The following PBX1 variants were observed in gnomAD, a reference collection of about 807,000 sequenced individuals.
The protein encoded by PBX1 is PBX homeobox 1.
In PBX1, 6 loss-of-function variants were observed where a neutral mutation model predicts 53.4. The ratio of observed to expected loss-of-function variants is 0.11; its 90% CI spans 0.06 to 0.22. The LOEUF is 0.22. PBX1 is among the 10% of genes least tolerant of loss of function. The pLI, the probability that PBX1 is intolerant of heterozygous loss-of-function variation, is 1.00. For synonymous variants in PBX1, 204 were observed against 212.3 expected, an observed-to-expected ratio of 0.96 and a Z score of 0.34; for missense variants, 251 against 551.4, an observed-to-expected ratio of 0.46 and a Z score of 5.46.
At chr1:164,724,594 T>A (rs1020397042) in intron 2 of PBX1, among the ~76,000 whole-genome samples, 4 of 151,222 alleles carry the variant, frequency 2.6e-5, no homozygotes, top group African/African-American at 9.7e-5. Context: ...CAAGCTTGCG[T>A]CTAGACAGTG....
At chr1:164,607,539 G>A (rs1298473848) in intron 2 of PBX1, among the ~76,000 whole-genome samples, 4 of 152,184 alleles carry the variant, frequency 2.6e-5, no homozygotes, top group Non-Finnish European at 4.4e-5. Context: ...TGAGTAGCCT[G>A]TAGGATATTC....
chr1:164,605,855 T>A (rs1268712355), intron 2 of PBX1, among the ~76,000 whole-genome samples: 2 of 152,200 alleles, frequency 1.3e-5, no homozygotes, highest in East Asian at 1.9e-4. Context: ...GGTCTGATGG[T>A]GCCTCTTTGT....
rs1671614001 is a variant in PBX1 at position 164,847,123 on chromosome 1, C to G, written c.*447C>G. ...TTACCTCACTCGAATCCCTCACTCCCTATGTTAACAGGCAATCCTTCTCTG... is the reference window on the plus strand; with the variant it reads ...TTACCTCACTCGAATCCCTCACTCCGTATGTTAACAGGCAATCCTTCTCTG... On this transcript the variant is annotated 3_prime_UTR_variant, in exon 9 of 9. Coordinates refer to ENST00000420696, the MANE Select transcript of PBX1 (RefSeq NM_002585.4). The G allele has an allele frequency of 9.1e-7, 1 of 1,096,860 alleles. No individual in the cohort carries two copies. The highest frequency in any genetic ancestry group is 1.1e-6 in the Non-Finnish European group (1 of 896,102). 67.9% of individuals were successfully genotyped at this position (1,096,860 alleles called of 1,614,324 possible).
chr1:164,812,290 A>G (rs1669652183), intron 6 of PBX1, 141 bp downstream of exon 6: 7 of 828,882 alleles, frequency 8.4e-6, no homozygotes, highest in Non-Finnish European at 1.2e-5. Context: ...TTTGGATGTT[A>G]ATGTCACTTT....
At chr1:164,774,705 C>T (rs1041735798) in intron 2 of PBX1, 11 of 152,172 alleles carry the variant, frequency 7.2e-5, no homozygotes, top group Non-Finnish European at 1.0e-4. Flanking sequence ...ATGTGGAGGA[C>T]GTGGGCATCA....
At chr1:164,593,582 TAAAAATGTGGGTATTTGGTTTACCTCTAA>T in intron 2 of PBX1, among the ~76,000 whole-genome samples, 1 of 152,154 alleles carries the variant, frequency 6.6e-6, no homozygotes, top group Admixed American at 6.5e-5. Context: ...TTTTCATCTA[TAAAAATGTGGGTATTTGGTTTACCTCTAA>T]AGGTTGTGGC....
At chr1:164,578,926 C>G (rs183023926) in intron 2 of PBX1, among the ~76,000 whole-genome samples, 1 of 152,172 alleles carries the variant, frequency 6.6e-6, no homozygotes, top group African/African-American at 2.4e-5. Context: ...TCTTCCTCCC[C>G]TCTACTGGGG....
At chr1:164,710,480 C>T (rs1663691221) in intron 2 of PBX1, among the ~76,000 whole-genome samples, 1 of 151,878 alleles carries the variant, frequency 6.6e-6, no homozygotes, top group East Asian at 1.9e-4. Flanking sequence ...GGCGTCATCT[C>T]GGCTCACTGC....
At chr1:164,643,100 C>T (rs771114638) in intron 2 of PBX1, among the ~76,000 whole-genome samples, 3 of 152,086 alleles carry the variant, frequency 2.0e-5, no homozygotes, top group Non-Finnish European at 2.9e-5. Flanking sequence ...AAGCTTGAGG[C>T]TGGTTTAACC....
intron 8 of PBX1, among the ~76,000 whole-genome samples, chr1:164,836,648 G>C (rs1420041987): frequency 6.6e-6 from 1 of 151,996 alleles, no homozygotes; most frequent in African/African-American, 2.4e-5. Flanking sequence ...TTTTCTTTCT[G>C]CATCCCCCAC....
intron 2 of PBX1, among the ~76,000 whole-genome samples, chr1:164,579,091 G>A (rs1557871227): frequency 6.6e-6 from 1 of 152,130 alleles, no homozygotes; most frequent in Non-Finnish European, 1.5e-5. Flanking sequence ...AAGCTACATG[G>A]TCTGCTTCTG....
At chr1:164,834,678 A>G (rs1420122429) in intron 8 of PBX1, among the ~76,000 whole-genome samples, 3 of 152,184 alleles carry the variant, frequency 2.0e-5, no homozygotes, top group Non-Finnish European at 2.9e-5. Context: ...AAAAACAACT[A>G]TTAACACTCT....
intron 2 of PBX1, chr1:164,703,114 T>C (rs940654313): frequency 6.6e-6 from 1 of 152,196 alleles, no homozygotes; most frequent in Non-Finnish European, 1.5e-5. Context: ...GACTGCTCTG[T>C]GTCTGACCTG....
chr1:164,643,770 G>A (rs1173756030), intron 2 of PBX1, among the ~76,000 whole-genome samples: 1 of 152,208 alleles, frequency 6.6e-6, no homozygotes, highest in Non-Finnish European at 1.5e-5. Flanking sequence ...TATAGATGAA[G>A]TTTGAGAGGC....
At chr1:164,574,719 CA>C (rs1192749393) in intron 2 of PBX1, among the ~76,000 whole-genome samples, 3 of 152,180 alleles carry the variant, frequency 2.0e-5, no homozygotes. Flanking sequence ...TGGTGGCTCA[CA>C]CCTATAATCC....
At chr1:164,788,496 G>T (rs1365680915) in intron 2 of PBX1, among the ~76,000 whole-genome samples, 1 of 151,278 alleles carries the variant, frequency 6.6e-6, no homozygotes, top group Non-Finnish European at 1.5e-5. Context: ...CTACAAATAT[G>T]AGCATGCAAG....
rs145268072 is a variant in PBX1 at position 164,768,430 on chromosome 1, A to G, written c.266-24064A>G. Among the ~76,000 whole-genome samples the G allele has an allele frequency of 5.3e-3, 802 of 152,312 alleles. 5 individuals are homozygous for G. Among genetic ancestry groups the G allele is most frequent in the Non-Finnish European group, 8.8e-3 (601 of 68,016 alleles). ...AGCCCCTCAACCTTGCAGGAACCCA[A>G]TCATCAAGAGGGGAGACCCTACTAT... On this transcript the variant is annotated intron_variant, in intron 2 of 8. Coordinates refer to ENST00000420696, the MANE Select transcript of PBX1 (RefSeq NM_002585.4).
intron 2 of PBX1, among the ~76,000 whole-genome samples, chr1:164,592,319 A>G (rs1225930218): frequency 1.3e-5 from 2 of 152,182 alleles, no homozygotes; most frequent in Non-Finnish European, 2.9e-5. Flanking sequence ...TTGACGTGTA[A>G]ACCTCCATGC....
Position 164,723,376 on chromosome 1 carries a change from C to G in PBX1, c.266-69118C>G, listed in dbSNP as rs1007265727. 3.3e-5 allele frequency among the ~76,000 whole-genome samples: 5 copies of G among 152,088 alleles called. No homozygotes were observed. In the East Asian group the frequency reaches 9.6e-4, roughly 29 times the overall value. ...AGCTGTCAGCAGTTGTGAACCCTTC[C>G]CAGAAGCTGGCAGTCTCGCAAACAC... On this transcript the variant is annotated intron_variant, in intron 2 of 8. Coordinates refer to ENST00000420696, the MANE Select transcript of PBX1 (RefSeq NM_002585.4).
Sources: gnomAD v4.1 joint callset for allele counts (sites outside exome capture counted in the v4.1 genomes callset) on GRCh38, gnomAD v4.1.1 for gene constraint, MANE v1.5 for transcripts, NCBI Gene and HGNC (gene_info 2026-07-23, HGNC 2026-07-21) for gene names.